CCSER1: variants seen among roughly 807,000 people sequenced by gnomAD.
CCSER1 encodes the protein coiled-coil serine rich protein 1.
In CCSER1, 41 loss-of-function variants were observed where a neutral mutation model predicts 82.0. The ratio of observed to expected loss-of-function variants is 0.50; its 90% confidence interval spans 0.39 to 0.65. CCSER1 has a LOEUF of 0.65. CCSER1 is among the 30% of genes least tolerant of loss of function. CCSER1 has a pLI of 0.00. For missense variants in CCSER1, 1,119 were observed against 1,064.2 expected (o/e 1.05, Z -0.72); for synonymous variants, 414 against 383.9 (o/e 1.08, Z -0.92).
intron 8 of CCSER1, among the ~76,000 whole-genome samples, chr4:90,844,191 A>G (rs1762919474): frequency 6.6e-6 from 1 of 151,794 alleles, no homozygotes. Context: ...ATACATAGAT[A>G]TAGATTGAGA....
At chr4:91,387,479 A>G (rs1263987085) in intron 10 of CCSER1, among the ~76,000 whole-genome samples, 2 of 152,082 alleles carry the variant, frequency 1.3e-5, no homozygotes, top group African/African-American at 2.4e-5. Context: ...ATGTCTGAAC[A>G]TTTAAGAAGA....
chr4:91,009,572 C>G (rs1308745671), intron 9 of CCSER1, among the ~76,000 whole-genome samples: 1 of 152,032 alleles, frequency 6.6e-6, no homozygotes, highest in Non-Finnish European at 1.5e-5. Context: ...GTTGCTCTTT[C>G]CCCCCTTTAT....
At chr4:91,536,182 A>G (rs1433230280) in intron 10 of CCSER1, among the ~76,000 whole-genome samples, 1 of 152,158 alleles carries the variant, frequency 6.6e-6, no homozygotes, top group African/African-American at 2.4e-5. Context: ...AAATACTTCC[A>G]TGAGAAATGT....
intron 1 of CCSER1, among the ~76,000 whole-genome samples, chr4:90,152,425 G>A (rs553650996): frequency 6.6e-6 from 1 of 152,292 alleles, no homozygotes; most frequent in East Asian, 1.9e-4. Context: ...AGCTGAAAAT[G>A]GGGCTTGATT....
chr4:91,510,401 A>G (rs562064751), intron 10 of CCSER1, among the ~76,000 whole-genome samples: 1 of 152,270 alleles, frequency 6.6e-6, no homozygotes, highest in Admixed American at 6.5e-5. Context: ...TTCTTTGAGA[A>G]ATCTTCAAAT....
At chr4:90,441,384 G>T (rs1257192535) in intron 4 of CCSER1, among the ~76,000 whole-genome samples, 1 of 152,118 alleles carries the variant, frequency 6.6e-6, no homozygotes, top group African/African-American at 2.4e-5. Flanking sequence ...ATGGTCCATT[G>T]CTGCTAAAGG....
chr4:90,534,475 G>GTGTGTT (rs1553935650), intron 5 of CCSER1, among the ~76,000 whole-genome samples: 3 of 150,958 alleles, frequency 2.0e-5, no homozygotes, highest in East Asian at 1.9e-4. Context: ...GTGTGTGTGT[G>GTGTGTT]TGTGTGTGTG....
intron 6 of CCSER1, among the ~76,000 whole-genome samples, chr4:90,710,101 A>G (rs762047206): frequency 5.3e-5 from 8 of 151,926 alleles, no homozygotes; most frequent in East Asian, 1.9e-4. Context: ...AGAAGTGTCT[A>G]TGCAAGTCCT....
intron 10 of CCSER1, chr4:91,325,171 T>C (rs1455894397): frequency 4.4e-6 from 2 of 456,162 alleles, no homozygotes; most frequent in Admixed American, 4.7e-5. Context: ...TTTTCTGTCT[T>C]CTTGTTTCAC....
At chr4:90,763,314 C>G (rs566485587) in intron 7 of CCSER1, among the ~76,000 whole-genome samples, 3 of 152,012 alleles carry the variant, frequency 2.0e-5, no homozygotes, top group South Asian at 4.2e-4. Context: ...CTTACACAGC[C>G]TGGAAGATTT....
intron 8 of CCSER1, chr4:90,839,078 C>T (rs763678285): frequency 1.1e-5 from 18 of 1,569,928 alleles, no homozygotes; most frequent in Non-Finnish European, 1.4e-5. Context: ...CGAGTACGAG[C>T]GAAGTCTGGT....
intron 10 of CCSER1, among the ~76,000 whole-genome samples, chr4:91,461,293 G>A (rs1756484924): frequency 6.6e-6 from 1 of 152,170 alleles, no homozygotes; most frequent in Non-Finnish European, 1.5e-5. Context: ...CTTAGAATTT[G>A]TAGTATCTCA....
chr4:91,452,341 G>T (rs1755915686), intron 10 of CCSER1, among the ~76,000 whole-genome samples: 1 of 151,864 alleles, frequency 6.6e-6, no homozygotes. Context: ...GAACTCCATG[G>T]ACTCCACGTG....
At chr4:90,567,615 T>TG (rs112561761) in intron 5 of CCSER1, among the ~76,000 whole-genome samples, 7,431 of 149,266 alleles carry the variant, frequency 0.05, 583 homozygotes, top group African/African-American at 0.17. Flanking sequence ...AATGATTTTT[T>TG]TTTTTTTTTT....
chr4:90,884,070 A>G (rs1005091170), intron 8 of CCSER1, among the ~76,000 whole-genome samples: 4 of 152,130 alleles, frequency 2.6e-5, no homozygotes, highest in Non-Finnish European at 5.9e-5. Flanking sequence ...TGAGTTAATC[A>G]TGTTCAATTT....
intron 7 of CCSER1, among the ~76,000 whole-genome samples, chr4:90,760,061 A>G (rs1256844491): frequency 3.9e-5 from 6 of 152,018 alleles, no homozygotes; most frequent in South Asian, 2.1e-4. Context: ...TAGTTTCACT[A>G]TGAAGAAAAT....
chr4:91,464,407 A>G (rs1260519442), intron 10 of CCSER1, among the ~76,000 whole-genome samples: 1 of 152,148 alleles, frequency 6.6e-6, no homozygotes, highest in Non-Finnish European at 1.5e-5. Context: ...ATATGCCAAA[A>G]TATAAAGACC....
At chr4:91,172,268 A>T (rs1418417363) in intron 10 of CCSER1, among the ~76,000 whole-genome samples, 1 of 152,196 alleles carries the variant, frequency 6.6e-6, no homozygotes, top group African/African-American at 2.4e-5. Context: ...AGGGATATAC[A>T]TATTGTTAAA....
chr4:90,197,316 A>G (rs1736801907), intron 1 of CCSER1, among the ~76,000 whole-genome samples: 1 of 152,108 alleles, frequency 6.6e-6, no homozygotes, highest in Non-Finnish European at 1.5e-5. Flanking sequence ...TGGAACCCTC[A>G]TATACTGTTG....
Sources: gnomAD v4.1 joint callset for allele counts (sites outside exome capture counted in the v4.1 genomes callset) on GRCh38, gnomAD v4.1.1 for gene constraint, MANE v1.5 for transcripts, NCBI Gene and HGNC (gene_info 2026-07-23, HGNC 2026-07-21) for gene names.